Variants in LYZL2 observed in about 807,000 individuals in gnomAD.
LYZL2 encodes lysozyme-like protein 2.
Under a neutral mutation model 17.1 loss-of-function variants are expected in LYZL2, and 13 were observed. That is an observed-to-expected ratio of 0.76 (90% CI 0.49 to 1.21). LYZL2 has a LOEUF of 1.21. Among genes scored for constraint, LYZL2 ranks in the 50% most tolerant of loss-of-function variants. The probability of loss-of-function intolerance (pLI) is 0.00; values close to 1 mark genes in which losing one functional copy is unlikely to be tolerated. For missense variants in LYZL2, 166 were observed against 189.2 expected (o/e 0.88, Z 0.72); for synonymous variants, 63 against 74.4 (o/e 0.85, Z 0.79).
chr10:30,609,516 A>G (rs1314401638), downstream of LYZL2, among the ~76,000 whole-genome samples: 2 of 152,342 alleles, frequency 1.3e-5, no homozygotes, highest in Non-Finnish European at 2.9e-5. Flanking sequence ...AACAACAGAG[A>G]ACAAGTTGGG....
chr10:30,609,386 A>G (rs1306990661), downstream of LYZL2, among the ~76,000 whole-genome samples: 1 of 152,146 alleles, frequency 6.6e-6, no homozygotes, highest in Non-Finnish European at 1.5e-5. Flanking sequence ...TTTAGGGGAG[A>G]AGCACAACCT....
downstream of LYZL2, among the ~76,000 whole-genome samples, chr10:30,609,240 T>C (rs1370778643): frequency 2.6e-4 from 40 of 152,162 alleles, no homozygotes; most frequent in Admixed American, 2.6e-3. Flanking sequence ...CTCAAGTAGC[T>C]TACAGGCTGG....
Position 30,612,814 on chromosome 10 carries a change from ACT to A in LYZL2, c.377+6_377+7del. 1.2e-6 allele frequency: 2 copies of A among 1,606,320 alleles called. No individual in the cohort carries two copies. Among genetic ancestry groups the A allele is most frequent in the Middle Eastern group, 3.3e-4 (2 of 6,038 alleles). ...GACAGCCCAAGTCTTCCAAGGAAAG[ACT>A]CTTACCAATAGTTCATTCCTTGTGT... On this transcript the variant is annotated splice_donor_region_variant and intron_variant, in intron 4 of 4. Transcript: ENST00000647634.
chr10:30,614,206 AGAT>A (rs2132936068), intron 3 of LYZL2, among the ~76,000 whole-genome samples: 1 of 152,372 alleles, frequency 6.6e-6, no homozygotes, highest in South Asian at 2.1e-4. Flanking sequence ...GCTGATGCTG[AGAT>A]GGGTTTGAAA....
At chr10:30,607,420 ACCTCTCT>A (rs1434911224), downstream of LYZL2, among the ~76,000 whole-genome samples, 4 of 151,592 alleles carry the variant, frequency 2.6e-5, no homozygotes, top group Non-Finnish European at 4.4e-5. Context: ...CGGATTCTTT[ACCTCTCT>A]CCTCTCTCCT....
rs376349863 is a variant in LYZL2 at position 30,615,353 on chromosome 10, G to A, written c.299-2453C>T. Among the ~76,000 whole-genome samples the A allele has an allele frequency of 1.1e-3, 163 of 152,358 alleles. 3 individuals are homozygous for A. The highest frequency in any genetic ancestry group is 3.7e-3 in the African/African-American group (155 of 41,584). On this transcript the variant is annotated intron_variant, in intron 3 of 4. Transcript: ENST00000647634. ...CAAAAGTTGAACTCATAAAAGCAGA[G>A]AGTAGAGCGGTGGCTGGTTAGGAAA...
intron 3 of LYZL2, among the ~76,000 whole-genome samples, chr10:30,625,207 T>C (rs1838683803): frequency 6.6e-6 from 1 of 152,160 alleles, no homozygotes; most frequent in South Asian, 2.1e-4. Context: ...AATTTTGCGG[T>C]GTTTAAGCCA....
chr10:30,621,939 C>T (rs1433833875), intron 3 of LYZL2, among the ~76,000 whole-genome samples: 3 of 151,732 alleles, frequency 2.0e-5, no homozygotes, highest in South Asian at 2.1e-4. Context: ...GTGAGGTACA[C>T]AAATATAGAA....
downstream of LYZL2, among the ~76,000 whole-genome samples, chr10:30,610,579 C>T (rs985753070): frequency 1.3e-5 from 2 of 152,064 alleles, no homozygotes; most frequent in East Asian, 1.9e-4. Flanking sequence ...AGCATTAGGA[C>T]AAATACCTAA....
chr10:30,611,417 T>A (rs1838431299), downstream of LYZL2, among the ~76,000 whole-genome samples: 1 of 148,496 alleles, frequency 6.7e-6, no homozygotes, highest in Non-Finnish European at 1.5e-5. Flanking sequence ...AAGAATCGCT[T>A]GAACCCGGGA....
chr10:30,611,801 G>T lies in LYZL2; in HGVS notation c.*154C>A. On this transcript the variant is annotated 3_prime_UTR_variant, in exon 5 of 5. Coordinates refer to ENST00000647634, the MANE Select transcript of LYZL2 (RefSeq NM_183058.3). ...GAGTCAGGGTGAAGACATTTAAATGGAAATATTTATTTTCTTAAAAGTATA... is the reference window on the plus strand; with the variant it reads ...GAGTCAGGGTGAAGACATTTAAATGTAAATATTTATTTTCTTAAAAGTATA... The T allele has an allele frequency of 5.2e-6, 7 of 1,345,180 alleles. No homozygotes were observed. Among genetic ancestry groups the T allele is most frequent in the Non-Finnish European group, 7.2e-6 (7 of 977,976 alleles). The allele number at this position is 1,345,180 out of a possible 1,614,324, so 83.3% of individuals were successfully genotyped here.
chr10:30,615,943 T>A (rs1838522075), intron 3 of LYZL2, among the ~76,000 whole-genome samples: 1 of 152,218 alleles, frequency 6.6e-6, no homozygotes, highest in Non-Finnish European at 1.5e-5. Context: ...GGCTCTTAAC[T>A]GTGGGTTCAC....
At chr10:30,626,578 C>G (rs925650600) in intron 2 of LYZL2, among the ~76,000 whole-genome samples, 199 bp downstream of exon 2, 1 of 152,010 alleles carries the variant, frequency 6.6e-6, no homozygotes, top group East Asian at 1.9e-4. Context: ...GGACAGGACT[C>G]CAGGAATAAG....
chr10:30,628,274 A>T (rs376330337), intron 1 of LYZL2, among the ~76,000 whole-genome samples: 1 of 152,218 alleles, frequency 6.6e-6, no homozygotes, highest in East Asian at 1.9e-4. Flanking sequence ...CTTCCAAAGT[A>T]CTAGTGTTTT....
chr10:30,618,647 C>T (rs891869666), intron 3 of LYZL2, among the ~76,000 whole-genome samples: 4 of 152,182 alleles, frequency 2.6e-5, no homozygotes, highest in East Asian at 3.8e-4. Flanking sequence ...AACTGGATCC[C>T]TTCCTTACAC....
chr10:30,618,560 A>C (rs1348697766), intron 3 of LYZL2, among the ~76,000 whole-genome samples: 1 of 152,240 alleles, frequency 6.6e-6, no homozygotes, highest in Admixed American at 6.5e-5. Context: ...AACCTGACAA[A>C]AGCAAGAAAT....
rs143826367 is a variant in LYZL2, at chr10:30,620,471, T to A, written c.298+5634A>T. Among the ~76,000 whole-genome samples, 263 of 152,376 alleles carry A rather than the reference T, an allele frequency of 1.7e-3. 8 individuals are homozygous for A. Among genetic ancestry groups the A allele is most frequent in the Admixed American group, 0.016 (242 of 15,306 alleles). ...CACCTAACTTTCAAAATAGTCTTTT[T>A]CTTTCTCAATAAATTACTTTATGCT... On this transcript the variant is annotated intron_variant, in intron 3 of 4. Transcript: ENST00000647634.
downstream of LYZL2, among the ~76,000 whole-genome samples, chr10:30,611,575 GAAAGAAAGAAAGAAA>G (rs1838438684): frequency 2.0e-5 from 2 of 97,690 alleles, no homozygotes; most frequent in Admixed American, 1.1e-4. Context: ...AGGAAGGAAA[GAAAGAAAGAAAGAAA>G]GAAAGAAAGA....
chr10:30,616,296 G>T (rs371473935), intron 3 of LYZL2, among the ~76,000 whole-genome samples: 11 of 152,232 alleles, frequency 7.2e-5, no homozygotes, highest in African/African-American at 2.6e-4. Flanking sequence ...AAAATACATC[G>T]TCTATAAGAG....
Sources: allele counts gnomAD v4.1 joint callset (sites outside exome capture counted in the v4.1 genomes callset), GRCh38; gene constraint gnomAD v4.1.1; transcripts MANE v1.5; gene names NCBI Gene and HGNC (gene_info 2026-07-23, HGNC 2026-07-21).